The following RPH3A variants were observed in gnomAD, a reference collection of about 807,000 sequenced individuals.
RPH3A encodes rabphilin-3A.
Under a neutral mutation model 102.2 loss-of-function variants are expected in RPH3A, and 48 were observed. The ratio of observed to expected loss-of-function variants is 0.47; its 90% CI spans 0.37 to 0.60. The LOEUF is 0.60. Among genes scored for constraint, RPH3A ranks in the 20% least tolerant of loss-of-function variants. The pLI is 0.00. For synonymous variants in RPH3A, 310 were observed against 324.3 expected (o/e 0.96, Z 0.47); for missense variants, 781 against 910.1 (o/e 0.86, Z 1.83).
At chr12:112,668,738 T>C (rs1592934420) in intron 1 of RPH3A, among the ~76,000 whole-genome samples, 1 of 151,998 alleles carries the variant, frequency 6.6e-6, no homozygotes, top group African/African-American at 2.4e-5. Context: ...GATGGGTTAA[T>C]AGGTGCAACA....
intron 16 of RPH3A, among the ~76,000 whole-genome samples, chr12:112,886,296 T>A (rs2043001419): frequency 6.6e-6 from 1 of 152,060 alleles, no homozygotes; most frequent in Non-Finnish European, 1.5e-5. Flanking sequence ...CAGTTCCCAA[T>A]CTTTCTGGCA....
chr12:112,828,214 C>T lies in RPH3A; in HGVS notation c.-18-87C>T, dbSNP rs186998939. ...TTAGTTCTCTGTCTTCTCTATCCCA[C>T]TGGGTGTGTGGCATAAAGCAGGGAT... On this transcript the variant is annotated intron_variant, in intron 2 of 21. Transcript: ENST00000389385. 1,635 of 877,008 alleles carry T rather than the reference C, an allele frequency of 1.9e-3. 3 individuals carry two copies. The highest frequency in any genetic ancestry group is 2.5e-3 in the Non-Finnish European group (1,299 of 527,038). The allele number at this position is 877,008 out of a possible 1,614,324, so 54.3% of individuals were successfully genotyped here.
rs1555209161 is a variant in RPH3A at position 112,791,883 on chromosome 12, A to AGAG, written c.-268_-266dup. On this transcript the variant is annotated 5_prime_UTR_variant, in exon 1 of 22. Transcript: ENST00000389385. ...AGGGAGAAGGGAGAGAGAGAGAGAG[A>AGAG]GAGAGAGAGAGAGAGAGAGAGACTC... 2 of 149,118 alleles carry AGAG rather than the reference A, an allele frequency of 1.3e-5. No homozygotes were observed. The highest frequency in any genetic ancestry group is 3.0e-5 in the Non-Finnish European group (2 of 67,226). 9.2% of individuals were successfully genotyped at this position (149,118 alleles called of 1,614,324 possible).
chr12:112,828,002 C>T (rs1656153085), intron 2 of RPH3A, among the ~76,000 whole-genome samples: 1 of 152,178 alleles, frequency 6.6e-6, no homozygotes, highest in Non-Finnish European at 1.5e-5. Context: ...CTCTGGCCCA[C>T]ACACTGCTGG....
chr12:112,810,919 C>G (rs1247481064), intron 2 of RPH3A, among the ~76,000 whole-genome samples: 1 of 151,386 alleles, frequency 6.6e-6, no homozygotes, highest in Non-Finnish European at 1.5e-5. Flanking sequence ...ATACATTATA[C>G]TATGTTATTT....
At position 112,879,205 on chromosome 12, in the gene RPH3A, G is replaced by C; in HGVS notation, c.1251+7G>C. 6.2e-7 allele frequency: 1 copy of C among 1,612,852 alleles called. No homozygotes were observed. Among genetic ancestry groups the C allele is most frequent in the East Asian group, 2.2e-5 (1 of 44,822 alleles). ...CACCATCATTAAGGCCAAGGTGGGT[G>C]ATGGGGACCATGCAGGGAACCTCTC... On this transcript the variant is annotated splice_region_variant and intron_variant, in intron 14 of 21. Coordinates refer to ENST00000389385, the MANE Select transcript of RPH3A (RefSeq NM_001143854.2).
At chr12:112,609,099 T>G (rs1484022735) in intron 1 of RPH3A, among the ~76,000 whole-genome samples, 3 of 152,168 alleles carry the variant, frequency 2.0e-5, no homozygotes, top group Non-Finnish European at 4.4e-5. Context: ...CTTCCCCAAA[T>G]CCTCACAGAC....
intron 2 of RPH3A, among the ~76,000 whole-genome samples, chr12:112,817,856 A>G (rs1021710138): frequency 6.6e-6 from 1 of 152,124 alleles, no homozygotes; most frequent in Non-Finnish European, 1.5e-5. Flanking sequence ...GGGGTTGCTG[A>G]AGGCTGGTGT....
chr12:112,725,610 G>A (rs2040582938), intron 1 of RPH3A, among the ~76,000 whole-genome samples: 1 of 152,288 alleles, frequency 6.6e-6, no homozygotes, highest in Middle Eastern at 3.4e-3. Context: ...TCAGGAGTGG[G>A]AAACAAATTT....
intron 2 of RPH3A, among the ~76,000 whole-genome samples, chr12:112,814,578 C>G (rs1032028826): frequency 1.3e-5 from 2 of 152,122 alleles, no homozygotes; most frequent in African/African-American, 2.4e-5. Flanking sequence ...GGCTGGGTGG[C>G]CAGGTTGTAA....
intron 1 of RPH3A, among the ~76,000 whole-genome samples, chr12:112,755,180 C>T (rs566086348): frequency 3.0e-4 from 45 of 152,164 alleles, no homozygotes; most frequent in Non-Finnish European, 5.6e-4. Context: ...TTCCTCCTTA[C>T]CTTTTATTCA....
intron 1 of RPH3A, among the ~76,000 whole-genome samples, chr12:112,781,432 T>C (rs1420506312): frequency 1.3e-5 from 2 of 152,176 alleles, no homozygotes; most frequent in Non-Finnish European, 2.9e-5. Flanking sequence ...GCAGAAGACT[T>C]GCAGCTGATC....
rs932371052 is a variant in RPH3A at position 112,577,140 on chromosome 12, T to C, written c.-140+1821T>C. On this transcript the variant is annotated intron_variant, in intron 1 of 21. Transcript: ENST00000543106. ...GCAAAAAAAATTCGGGGCGAGTACA[T>C]AGAGTAAAGTGAAAGCAAGTTTTTT... 5.9e-5 allele frequency among the ~76,000 whole-genome samples: 9 copies of C among 152,128 alleles called. 1 individual carries two copies. Among genetic ancestry groups the C allele is most frequent in the African/African-American group, 2.2e-4 (9 of 41,512 alleles).
At chr12:112,813,917 G>A (rs529849795) in intron 2 of RPH3A, among the ~76,000 whole-genome samples, 1 of 151,980 alleles carries the variant, frequency 6.6e-6, no homozygotes, top group South Asian at 2.1e-4. Context: ...TGTACTGTGG[G>A]TGGAAATGAG....
At chr12:112,707,042 G>A (rs1303734227) in intron 1 of RPH3A, among the ~76,000 whole-genome samples, 2 of 152,190 alleles carry the variant, frequency 1.3e-5, no homozygotes, top group Admixed American at 6.5e-5. Flanking sequence ...AGTGGAGTGG[G>A]CAGGGGTTTT....
In RPH3A at chr12:112,657,998, G is replaced by A. The variant is rs551065943; in HGVS notation, c.-140+82679G>A. ...TGTGCTCATGGAACAGTGTAACTGA[G>A]GCAGTGTGAGCAAGAGGGAATGTGG... On this transcript the variant is annotated intron_variant, in intron 1 of 21. Transcript: ENST00000543106. Among the ~76,000 whole-genome samples, 5 of 152,228 alleles carry A rather than the reference G, an allele frequency of 3.3e-5. No homozygotes were observed. The East Asian group carries it at 9.7e-4, about 29-fold the overall frequency.
intron 1 of RPH3A, among the ~76,000 whole-genome samples, chr12:112,763,192 TC>T (rs1188593745): frequency 6.6e-6 from 1 of 152,246 alleles, no homozygotes; most frequent in Non-Finnish European, 1.5e-5. Flanking sequence ...AGTGTTGGGC[TC>T]TGGGCATCTA....
At chr12:112,679,230 T>C (rs535131317) in intron 1 of RPH3A, among the ~76,000 whole-genome samples, 1 of 152,278 alleles carries the variant, frequency 6.6e-6, no homozygotes, top group Non-Finnish European at 1.5e-5. Context: ...CTCGGCTCAC[T>C]GCAACCTCTG....
chr12:112,783,655 C>A (rs879706792), intron 1 of RPH3A, among the ~76,000 whole-genome samples: 16 of 152,122 alleles, frequency 1.1e-4, no homozygotes, highest in Non-Finnish European at 1.9e-4. Context: ...TTGAATAATT[C>A]CAAGAAACAC....
Sources: allele counts gnomAD v4.1 joint callset (sites outside exome capture counted in the v4.1 genomes callset), GRCh38; gene constraint gnomAD v4.1.1; transcripts MANE v1.5; gene names NCBI Gene and HGNC (gene_info 2026-07-23, HGNC 2026-07-21).